Variants in STOX1 observed in about 807,000 individuals in gnomAD.
The protein encoded by STOX1 is storkhead box 1.
In STOX1, 57 loss-of-function variants were observed where a neutral mutation model predicts 74.8. The observed-to-expected ratio is 0.76, with a 90% CI of 0.62 to 0.95. The LOEUF (loss-of-function observed/expected upper bound fraction) is 0.95, where lower values mean the gene tolerates loss of function less well. Ranked by LOEUF, STOX1 falls within the 40% of genes least tolerant of loss-of-function variation. The probability of loss-of-function intolerance (pLI) is 0.00; values close to 1 mark genes in which losing one functional copy is unlikely to be tolerated. For missense variants in STOX1, 1,010 were observed against 1,117.0 expected (o/e 0.90, Z 1.37); for synonymous variants, 375 against 401.3 (o/e 0.93, Z 0.78).
chr10:68,837,100 C>CA (rs1196478324), intron 1 of STOX1, among the ~76,000 whole-genome samples: 1 of 152,192 alleles, frequency 6.6e-6, no homozygotes, highest in Non-Finnish European at 1.5e-5. Context: ...GCAAAAGGCT[C>CA]ATGCCCTGTC....
intron 1 of STOX1, among the ~76,000 whole-genome samples, chr10:68,842,226 C>T (rs1839708573): frequency 1.3e-5 from 2 of 152,128 alleles, no homozygotes; most frequent in Non-Finnish European, 1.5e-5. Flanking sequence ...CAGGAAGGGG[C>T]AGAGTTTGGA....
chr10:68,859,063 A>G (rs1240403143), intron 1 of STOX1, among the ~76,000 whole-genome samples: 1 of 151,972 alleles, frequency 6.6e-6, no homozygotes. Context: ...TTCTTTGGGG[A>G]CTCACAGCAA....
chr10:68,884,460 G>A lies in STOX1; in HGVS notation c.664G>A (p.Val222Met). ...RLMPASMTYLVSMESCAESAQ... is the reference protein window; with the variant it reads ...RLMPASMTYLMSMESCAESAQ... ...GATGCCAGCTTCCATGACATATCTGGTGAGCATGGAGAGCTGTGCAGAGTC... is the reference window on the plus strand; with the variant it reads ...GATGCCAGCTTCCATGACATATCTGATGAGCATGGAGAGCTGTGCAGAGTC... Residue 222 changes from valine to methionine, a missense_variant, in exon 3 of 4, where the codon GTG (valine) becomes ATG (methionine). Coordinates refer to ENST00000298596, the MANE Select transcript of STOX1 (RefSeq NM_152709.5). 1.9e-6 allele frequency: 3 copies of A among 1,613,844 alleles called. No homozygotes were observed. The highest frequency in any genetic ancestry group is 2.5e-6 in the Non-Finnish European group (3 of 1,180,020).
intron 1 of STOX1, among the ~76,000 whole-genome samples, chr10:68,848,453 T>A (rs1839905809): frequency 6.6e-6 from 1 of 152,056 alleles, no homozygotes; most frequent in African/African-American, 2.4e-5. Context: ...ACTGGTCAGG[T>A]TAGATATTTA....
chr10:68,829,758 G>A (rs1229346164), intron 1 of STOX1, among the ~76,000 whole-genome samples: 1 of 151,630 alleles, frequency 6.6e-6, no homozygotes, highest in African/African-American at 2.4e-5. Flanking sequence ...AGAGCTCTTT[G>A]CAAAACCACA....
At chr10:68,862,781 C>A (rs1224719678) in intron 1 of STOX1, among the ~76,000 whole-genome samples, 1 of 152,068 alleles carries the variant, frequency 6.6e-6, no homozygotes. Context: ...CTTAGGGGAC[C>A]AATCAATAAT....
chr10:68,888,494 A>G lies in STOX1; in HGVS notation c.2822+1876A>G, dbSNP rs149767432. On this transcript the variant is annotated intron_variant, in intron 3 of 3. Coordinates refer to ENST00000298596, the MANE Select transcript of STOX1 (RefSeq NM_152709.5). ...ATGTATAGATCTATAGATTTTGTCT[A>G]CTGGGCTCGTACTGAGTTACTATTT... Among the ~76,000 whole-genome samples, 374 of 152,264 alleles carry G rather than the reference A, an allele frequency of 2.5e-3. 1 individual carries two copies. The highest frequency in any genetic ancestry group is 8.7e-3 in the African/African-American group (361 of 41,554).
chr10:68,840,474 C>G (rs932043409), intron 1 of STOX1, among the ~76,000 whole-genome samples: 1 of 152,056 alleles, frequency 6.6e-6, no homozygotes, highest in Non-Finnish European at 1.5e-5. Flanking sequence ...TGCCCAGGCT[C>G]GGCTCAAGTG....
At chr10:68,888,557 A>G (rs1367056135) in intron 3 of STOX1, among the ~76,000 whole-genome samples, 1 of 151,674 alleles carries the variant, frequency 6.6e-6, no homozygotes, top group African/African-American at 2.4e-5. Flanking sequence ...CTATCATATG[A>G]ACATTTTCCC....
chr10:68,846,805 G>A (rs1295088589), intron 1 of STOX1: 1 of 152,138 alleles, frequency 6.6e-6, no homozygotes. Context: ...GATTGTGTTA[G>A]TGCTTGTTTT....
intron 1 of STOX1, chr10:68,828,222 G>C (rs1434790560): frequency 1.0e-6 from 1 of 956,976 alleles, no homozygotes. Flanking sequence ...GATGCCTGGC[G>C]GCGCCGGGCC....
intron 1 of STOX1, among the ~76,000 whole-genome samples, chr10:68,843,741 T>TA (rs1459895211): frequency 1.3e-5 from 2 of 152,116 alleles, no homozygotes; most frequent in East Asian, 3.9e-4. Flanking sequence ...GTATTTTAAG[T>TA]AGAGACAGAG....
chr10:68,830,270 C>T (rs796689207), intron 1 of STOX1, among the ~76,000 whole-genome samples: 78 of 152,236 alleles, frequency 5.1e-4, no homozygotes, highest in African/African-American at 1.7e-3. Context: ...AGTGGACTTC[C>T]GCCGGCTCAT....
intron 1 of STOX1, among the ~76,000 whole-genome samples, chr10:68,870,300 G>T (rs911121577): frequency 2.0e-5 from 3 of 152,162 alleles, no homozygotes; most frequent in South Asian, 2.1e-4. Flanking sequence ...TTGGGAAGAA[G>T]AGGCACCATA....
intron 1 of STOX1, among the ~76,000 whole-genome samples, chr10:68,847,411 GT>G (rs900594911): frequency 2.1e-5 from 3 of 145,730 alleles, no homozygotes; most frequent in Non-Finnish European, 4.4e-5. Context: ...AGAAGGTTTT[GT>G]TTTGTTTTGT....
chr10:68,886,487 C>T lies in STOX1; in HGVS notation c.2691C>T (p.Phe897=), dbSNP rs2131999848. Residue 897 remains phenylalanine, a synonymous_variant, in exon 3 of 4, where the codon TTC becomes TTT. Coordinates refer to ENST00000298596, the MANE Select transcript of STOX1 (RefSeq NM_152709.5). Reference sequence around the variant, plus strand: ...AGAATCAGGAAATGAGAAAACATTTCCCACAAAAGTTCCAACTTTTCAACA... The same window carrying T: ...AGAATCAGGAAATGAGAAAACATTTTCCACAAAAGTTCCAACTTTTCAACA... ...SPQNQEMRKH[F]PQKFQLFNTS... 1.2e-6 allele frequency: 2 copies of T among 1,613,892 alleles called. No individual in the cohort carries two copies. Among genetic ancestry groups the T allele is most frequent in the Non-Finnish European group, 1.7e-6 (2 of 1,179,930 alleles).
At chr10:68,860,270 T>TG (rs779436296) in intron 1 of STOX1, among the ~76,000 whole-genome samples, 1 of 149,212 alleles carries the variant, frequency 6.7e-6, no homozygotes, top group Non-Finnish European at 1.5e-5. Flanking sequence ...TCTGTCTCGG[T>TG]GGGGGAAAGA....
rs141558537 is a variant in STOX1 at position 68,843,609 on chromosome 10, C to T, written c.310+15676C>T. On this transcript the variant is annotated intron_variant, in intron 1 of 3. Coordinates refer to ENST00000298596, the MANE Select transcript of STOX1 (RefSeq NM_152709.5). ...TGGCTGGAGTGCAATGGAGCGACCT[C>T]GGCTCACTGCAACCTCTGCCTCCCT... Among the ~76,000 whole-genome samples, 1,203 of 152,096 alleles carry T rather than the reference C, an allele frequency of 7.9e-3. 19 individuals are homozygous for T. Among genetic ancestry groups the T allele is most frequent in the African/African-American group, 0.028 (1,143 of 41,524 alleles).
intron 1 of STOX1, among the ~76,000 whole-genome samples, chr10:68,837,387 G>A (rs979935258): frequency 4.6e-5 from 7 of 152,168 alleles, no homozygotes; most frequent in African/African-American, 7.2e-5. Flanking sequence ...AGTATGGAGC[G>A]GGAGGTGGGC....
Sources: gnomAD v4.1 joint callset for allele counts (sites outside exome capture counted in the v4.1 genomes callset) on GRCh38, gnomAD v4.1.1 for gene constraint, MANE v1.5 for transcripts, NCBI Gene and HGNC (gene_info 2026-07-23, HGNC 2026-07-21) for gene names.